Variants in SEC23A observed in about 807,000 individuals in gnomAD.
The protein encoded by SEC23A is protein transport protein Sec23A.
SEC23A carries 56 observed loss-of-function variants against 103.7 expected under a neutral mutation model. The ratio of observed to expected loss-of-function variants is 0.54; its 90% CI spans 0.44 to 0.67. The LOEUF is 0.67. SEC23A is among the 30% of genes least tolerant of loss of function. SEC23A has a pLI of 0.00. For missense variants in SEC23A, 784 were observed against 936.4 expected (o/e 0.84, Z 2.12); for synonymous variants, 281 against 293.0 (o/e 0.96, Z 0.42).
At chr14:39,090,160 T>C (rs572830573) in intron 5 of SEC23A, among the ~76,000 whole-genome samples, 1 of 152,298 alleles carries the variant, frequency 6.6e-6, no homozygotes, top group South Asian at 2.1e-4. Context: ...TCCTTTCTTC[T>C]TCATTTTGGT....
rs1404186561 is a variant in SEC23A, at chr14:39,067,183, A to G, written c.1217T>C (p.Leu406Pro). The G allele has an allele frequency of 1.2e-6, 2 of 1,613,792 alleles. No individual in the cohort carries two copies. The highest frequency in any genetic ancestry group is 1.7e-6 in the Non-Finnish European group (2 of 1,179,872). Residue 406 changes from leucine (L) to proline (P), a missense_variant, in exon 10 of 20, where the codon CTA (leucine) becomes CCA (proline). Transcript: ENST00000307712. ...GQFKMGFGGT[L>P]EIKTSREIKI... ...AGTTTTGGTTCTTACCTTTATTTCT[A>G]GCGTACCACCAAAGCCCATTTTAAA...
Position 39,086,939 on chromosome 14 carries a change from G to A in SEC23A, c.673C>T (p.Pro225Ser). ...TRGPQVQQPPPSNRFLQPVQK... is the reference protein window; with the variant it reads ...TRGPQVQQPPSSNRFLQPVQK... Reference sequence around the variant, plus strand: ...CATCATATTTATTACCTGTTGGAAGGAGGTGGCTGCTGTACCTGAGGACCA... The same window carrying A: ...CATCATATTTATTACCTGTTGGAAGAAGGTGGCTGCTGTACCTGAGGACCA... Residue 225 changes from proline (P) to serine (S), a missense_variant, in exon 6 of 20, where the codon CCT becomes TCT. Physicochemically the swap from Pro to Ser is moderately conservative, Grantham distance 74. Transcript: ENST00000307712. 6.3e-7 allele frequency: 1 copy of A among 1,583,754 alleles called. No individual in the cohort carries two copies.
chr14:39,079,550 T>A (rs887745267), intron 7 of SEC23A, among the ~76,000 whole-genome samples: 1 of 152,214 alleles, frequency 6.6e-6, no homozygotes, highest in African/African-American at 2.4e-5. Context: ...CCTGGCACAG[T>A]GGCTCACACC....
chr14:39,080,945 A>G (rs1005647480), intron 7 of SEC23A, among the ~76,000 whole-genome samples: 6 of 152,218 alleles, frequency 3.9e-5, no homozygotes, highest in African/African-American at 1.4e-4. Context: ...TAAGGCTGGT[A>G]TCAGCCTTCT....
chr14:39,081,633 T>C (rs1367736263), intron 7 of SEC23A, among the ~76,000 whole-genome samples: 3 of 152,186 alleles, frequency 2.0e-5, no homozygotes, highest in Non-Finnish European at 4.4e-5. Context: ...TAAGTAAATA[T>C]ATTTGATAAC....
At chr14:39,094,031 G>A (rs1887754616) in intron 2 of SEC23A, among the ~76,000 whole-genome samples, 2 of 150,504 alleles carry the variant, frequency 1.3e-5, no homozygotes, top group South Asian at 2.1e-4. Flanking sequence ...TACTTTTGGT[G>A]TTTTTTTTGA....
At chr14:39,085,958 G>C in intron 6 of SEC23A, 52 bp from the exon 7 acceptor site, 1 of 1,474,382 alleles carries the variant, frequency 6.8e-7, no homozygotes. Context: ...ATGGGTGAGA[G>C]TTCGATAAAC....
At chr14:39,036,320 C>CAAAAAAAAAAAAAAAAAAAAAAAAAAA (rs59018206) in intron 19 of SEC23A, among the ~76,000 whole-genome samples, 1 of 69,916 alleles carries the variant, frequency 1.4e-5, no homozygotes, top group Non-Finnish European at 2.6e-5. Flanking sequence ...GACTCCGTCT[C>CAAAAAAAAAAAAAAAAAAAAAAAAAAA]AAAAAAAAAA....
At chr14:39,058,285 T>C (rs1191232271) in intron 13 of SEC23A, among the ~76,000 whole-genome samples, 2 of 142,902 alleles carry the variant, frequency 1.4e-5, no homozygotes, top group Non-Finnish European at 3.0e-5. Flanking sequence ...CTTCTTTCTG[T>C]ATTTTTTTTT....
At chr14:39,052,709 T>C (rs1886109010) in intron 14 of SEC23A, among the ~76,000 whole-genome samples, 1 of 152,172 alleles carries the variant, frequency 6.6e-6, no homozygotes, top group Non-Finnish European at 1.5e-5. Context: ...AAAGTCACAA[T>C]TAGTGAAAAA....
Position 39,033,074 on chromosome 14 carries a change from A to G in SEC23A, c.*165T>C, listed in dbSNP as rs1227071750. On this transcript the variant is annotated 3_prime_UTR_variant, in exon 20 of 20. Coordinates refer to ENST00000307712, the MANE Select transcript of SEC23A (RefSeq NM_006364.4). Reference sequence around the variant, plus strand: ...TTCTTATTGCTCTCATTATAATTCCAGCTTAATCTACAAATGTGAACATTT... The same window carrying G: ...TTCTTATTGCTCTCATTATAATTCCGGCTTAATCTACAAATGTGAACATTT... The G allele has an allele frequency of 6.4e-6, 4 of 628,172 alleles. No individual in the cohort carries two copies. The highest frequency in any genetic ancestry group is 2.8e-5 in the Admixed American group (1 of 36,356). 38.9% of individuals were successfully genotyped at this position (628,172 alleles called of 1,614,324 possible).
At chr14:39,042,436 C>T (rs1396066353) in intron 17 of SEC23A, among the ~76,000 whole-genome samples, 2 of 152,150 alleles carry the variant, frequency 1.3e-5, no homozygotes, top group Non-Finnish European at 2.9e-5. Flanking sequence ...GATTGCATAA[C>T]GTAAAAGGAA....
rs539921765 is a variant in SEC23A, at chr14:39,093,220, A to G, written c.246T>C (p.Leu82=). ...PLCQVDYRAK[L]WACNFCYQRN... is the part of the protein sequence containing the mutation. Reference sequence around the variant, plus strand: ...TTTGGTAACAAAAGTTGCAAGCCCAAAGTTTTGCTCGATAATCCACTTGAC... The same window carrying G: ...TTTGGTAACAAAAGTTGCAAGCCCAGAGTTTTGCTCGATAATCCACTTGAC... The change falls in exon 3 of 20, where the codon CTT becomes CTC. Residue 82 remains leucine (L), a synonymous_variant. Coordinates refer to ENST00000307712, the MANE Select transcript of SEC23A (RefSeq NM_006364.4). 20 of 1,612,778 alleles carry G rather than the reference A, an allele frequency of 1.2e-5. No homozygotes were observed. Among genetic ancestry groups the G allele is most frequent in the Middle Eastern group, 1.7e-4 (1 of 6,058 alleles).
Position 39,040,720 on chromosome 14 carries a change from AACACT to A in SEC23A, c.2142+7_2142+11del, listed in dbSNP as rs1885609048. 6.2e-7 allele frequency: 1 copy of A among 1,614,078 alleles called. No homozygotes were observed. The highest frequency in any genetic ancestry group is 2.2e-5 in the East Asian group (1 of 44,878). On this transcript the variant is annotated splice_region_variant and intron_variant, in intron 18 of 19. Transcript: ENST00000307712. ...CAACAAACAAACACACAAACAAATT[AACACT>A]ACTTACCTGGCTGCCTCCATGTTCA...
chr14:39,055,250 C>G lies in SEC23A; in HGVS notation c.1552G>C (p.Asp518His). Residue 518 changes from aspartate (D) to histidine (H), a missense_variant, in exon 14 of 20, where the codon GAC (aspartate) becomes CAC (histidine). By Grantham distance (81) the Asp-to-His change is moderately conservative. Transcript: ENST00000307712. ...TQIQNIAASF[D>H]QEAAAILMAR... ...ATAAGAATGGCAGCTGCCTCCTGGTCAAAAGATGCAGCAATGTTTTGGATT... is the reference window on the plus strand; with the variant it reads ...ATAAGAATGGCAGCTGCCTCCTGGTGAAAAGATGCAGCAATGTTTTGGATT... 1 of 1,614,126 alleles carries G rather than the reference C, an allele frequency of 6.2e-7. No individual in the cohort carries two copies. Among genetic ancestry groups the G allele is most frequent in the Non-Finnish European group, 8.5e-7 (1 of 1,180,018 alleles).
chr14:39,041,774 C>T (rs1825954060), intron 17 of SEC23A, among the ~76,000 whole-genome samples: 1 of 149,472 alleles, frequency 6.7e-6, no homozygotes, highest in Admixed American at 6.8e-5. Context: ...AAGGCTGAGA[C>T]AGGAGAATCG....
intron 13 of SEC23A, among the ~76,000 whole-genome samples, chr14:39,059,646 T>C (rs1203732083): frequency 1.3e-5 from 2 of 152,192 alleles, no homozygotes; most frequent in Non-Finnish European, 2.9e-5. Context: ...TCATTCTCTC[T>C]CTCCATTTAT....
chr14:39,090,667 G>A (rs1420910023), intron 5 of SEC23A, among the ~76,000 whole-genome samples: 2 of 152,178 alleles, frequency 1.3e-5, no homozygotes, highest in African/African-American at 2.4e-5. Context: ...CGGTTCTTAT[G>A]AGGAAGCCAA....
intron 14 of SEC23A, 39 bp downstream of exon 14, chr14:39,055,104 A>C (rs1886196113): frequency 6.2e-7 from 1 of 1,611,694 alleles, no homozygotes; most frequent in Non-Finnish European, 8.5e-7. Context: ...TACAAATGAA[A>C]GCATACAGAT....
Sources: allele counts gnomAD v4.1 joint callset (sites outside exome capture counted in the v4.1 genomes callset), GRCh38; gene constraint gnomAD v4.1.1; transcripts MANE v1.5; gene names NCBI Gene and HGNC (gene_info 2026-07-23, HGNC 2026-07-21).